Variants in TBC1D8 observed in about 807,000 individuals in gnomAD.
TBC1D8 encodes BUB2-like protein 1.
Under a neutral mutation model 118.8 loss-of-function variants are expected in TBC1D8, and 65 were observed. That is an observed-to-expected ratio of 0.55 (90% confidence interval 0.45 to 0.67). The LOEUF (loss-of-function observed/expected upper bound fraction) is 0.67, where lower values mean the gene tolerates loss of function less well. TBC1D8 is among the 30% of genes least tolerant of loss of function. The probability of loss-of-function intolerance (pLI) is 0.00; values close to 1 mark genes in which losing one functional copy is unlikely to be tolerated. For missense variants in TBC1D8, 1,376 were observed against 1,471.2 expected, an observed-to-expected ratio of 0.94 and a Z score of 1.06; for synonymous variants, 566 against 595.8, an observed-to-expected ratio of 0.95 and a Z score of 0.73.
chr2:101,067,994 T>A (rs944273576), intron 2 of TBC1D8, among the ~76,000 whole-genome samples: 1 of 152,228 alleles, frequency 6.6e-6, no homozygotes, highest in African/African-American at 2.4e-5. Flanking sequence ...AAGAAGCCAC[T>A]TTCTTTGCTC....
chr2:101,151,014 G>A (rs1376501342), intron 1 of TBC1D8, 113 bp downstream of exon 1: 2 of 770,548 alleles, frequency 2.6e-6, no homozygotes, highest in African/African-American at 1.9e-5. Flanking sequence ...TCCGGGCCCC[G>A]CGTCTCCCAA....
At chr2:101,105,655 T>C (rs2105473985) in intron 1 of TBC1D8, among the ~76,000 whole-genome samples, 2 of 150,582 alleles carry the variant, frequency 1.3e-5, no homozygotes, top group Middle Eastern at 7.0e-3. Context: ...ACTAGGAAAT[T>C]GTAAATTAAA....
At chr2:101,019,817 C>T (rs1337475295) in intron 17 of TBC1D8, 3 of 152,074 alleles carry the variant, frequency 2.0e-5, no homozygotes, top group African/African-American at 7.2e-5. Flanking sequence ...GCCTGTAATC[C>T]CAGCACTTTG....
chr2:101,109,996 C>A, intron 1 of TBC1D8: 1 of 985,414 alleles, frequency 1.0e-6, no homozygotes, highest in Non-Finnish European at 1.2e-6. Context: ...GCTTGTCTGG[C>A]GCTACAGGAA....
intron 1 of TBC1D8, among the ~76,000 whole-genome samples, chr2:101,118,980 A>G (rs1677979156): frequency 6.6e-6 from 1 of 152,198 alleles, no homozygotes; most frequent in South Asian, 2.1e-4. Flanking sequence ...ACTACACTCC[A>G]GCCTGGATGA....
Position 101,029,776 on chromosome 2 carries a change from C to G in TBC1D8, c.1937G>C (p.Gly646Ala). 6.2e-7 allele frequency: 1 copy of G among 1,611,760 alleles called. No homozygotes were observed. The change falls in exon 12 of 20, where the codon GGG (glycine) becomes GCG (alanine). Residue 646 changes from glycine (G) to alanine (A), a missense_variant and splice_region_variant. By Grantham distance (60) the Gly-to-Ala change is moderately conservative. Coordinates refer to ENST00000409318, the MANE Select transcript of TBC1D8 (RefSeq NM_001330348.2). ...LPDYFNHRVI[G>A]AQVDQSVFEE... ...GAAGACAGACTGGTCAACTTGTGCCCCTGGAAAAGAAAGGGCACAGGGCTC... is the reference window on the plus strand; with the variant it reads ...GAAGACAGACTGGTCAACTTGTGCCGCTGGAAAAGAAAGGGCACAGGGCTC...
chr2:101,019,183 G>A (rs1385022985), intron 17 of TBC1D8: 15 of 1,124,780 alleles, frequency 1.3e-5, no homozygotes, highest in South Asian at 9.6e-5. Flanking sequence ...TGTTCTACAC[G>A]GCCGGGGTTT....
intron 1 of TBC1D8, among the ~76,000 whole-genome samples, chr2:101,134,191 TCTCTCTCACACACA>T (rs1427750032): frequency 0.011 from 1,096 of 96,126 alleles, 12 homozygotes; most frequent in African/African-American, 0.044. Context: ...TCTCTCTCTC[TCTCTCTCACACACA>T]CACACACACA....
intron 1 of TBC1D8, among the ~76,000 whole-genome samples, chr2:101,093,370 C>T (rs990183093): frequency 6.6e-6 from 1 of 152,168 alleles, no homozygotes; most frequent in Non-Finnish European, 1.5e-5. Flanking sequence ...CTTACATACA[C>T]ACACACATAT....
intron 1 of TBC1D8, among the ~76,000 whole-genome samples, chr2:101,113,588 TAC>T (rs1209870765): frequency 5.3e-5 from 8 of 152,298 alleles, no homozygotes; most frequent in African/African-American, 1.9e-4. Flanking sequence ...ATGCTACTGT[TAC>T]AGACACAATT....
At chr2:101,072,157 C>T (rs1674493530) in intron 2 of TBC1D8, among the ~76,000 whole-genome samples, 1 of 152,166 alleles carries the variant, frequency 6.6e-6, no homozygotes, top group South Asian at 2.1e-4. Flanking sequence ...GTCTCAACAA[C>T]AGGTATGTTA....
At chr2:101,132,331 C>T (rs1469107564) in intron 1 of TBC1D8, among the ~76,000 whole-genome samples, 1 of 152,174 alleles carries the variant, frequency 6.6e-6, no homozygotes, top group African/African-American at 2.4e-5. Context: ...AAAGAGCAGT[C>T]ATCAACTCCA....
At chr2:101,032,175 A>C in intron 11 of TBC1D8, 93 bp downstream of exon 11, 7 of 1,205,038 alleles carry the variant, frequency 5.8e-6, no homozygotes, top group South Asian at 1.4e-5. Flanking sequence ...AGTGGCACTG[A>C]GAGATTTTAT....
rs1244971514 is a variant in TBC1D8, at chr2:101,054,120, GGAA to G, written c.616_618del (p.Phe206del). The G allele has an allele frequency of 1.2e-6, 2 of 1,611,678 alleles. No homozygotes were observed. Among genetic ancestry groups the G allele is most frequent in the African/African-American group, 1.3e-5 (1 of 74,896 alleles). Reference sequence around the variant, plus strand: ...AGGCCTCACTTACGTTCCTTGCCCAGGAAGAAGGAGTAGAAGCAGAGGTGGTTG... The same window carrying G: ...AGGCCTCACTTACGTTCCTTGCCCAGGAAGGAGTAGAAGCAGAGGTGGTTG... On this transcript the variant is annotated inframe_deletion, in exon 4 of 20. Transcript: ENST00000409318.
rs114659057 is a variant in TBC1D8, at chr2:101,114,750, G to A, written c.128-24386C>T. 6.9e-3 allele frequency among the ~76,000 whole-genome samples: 1,049 copies of A among 152,310 alleles called. 5 individuals are homozygous for A. Among genetic ancestry groups the A allele is most frequent in the Middle Eastern group, 0.01 (3 of 294 alleles). On this transcript the variant is annotated intron_variant, in intron 1 of 19. Coordinates refer to ENST00000409318, the MANE Select transcript of TBC1D8 (RefSeq NM_001330348.2). ...GCACACAGTGCAGACATTTCAGCAG[G>A]TACTAAAAGTGTACTCTCAGACACT...
chr2:101,071,702 T>A (rs1441989654), intron 2 of TBC1D8, among the ~76,000 whole-genome samples: 1 of 152,198 alleles, frequency 6.6e-6, no homozygotes, highest in Non-Finnish European at 1.5e-5. Flanking sequence ...GTACTCTCAT[T>A]TTAAAAGTTT....
rs1558692256 is a variant in TBC1D8 at position 101,090,512 on chromosome 2, C to G, written c.128-148G>C. On this transcript the variant is annotated intron_variant, in intron 1 of 19. Coordinates refer to ENST00000409318, the MANE Select transcript of TBC1D8 (RefSeq NM_001330348.2). ...AGTTCTTCAACTCACCTCACAAAGC[C>G]TGAGCTCCATGGAGCCAAGGGCTCT... The G allele has an allele frequency of 3.5e-6, 3 of 862,826 alleles. No homozygotes were observed. The East Asian group carries it at 8.0e-5, about 23-fold the overall frequency. 53.4% of individuals were successfully genotyped at this position (862,826 alleles called of 1,614,324 possible).
At position 101,029,639 on chromosome 2, in the gene TBC1D8, G is replaced by A. The variant is rs764689203; in HGVS notation, c.2074C>T (p.Pro692Ser). Residue 692 changes from proline (P) to serine (S), a missense_variant, in exon 12 of 20, where the codon CCT becomes TCT. Pro to Ser is a moderately conservative substitution (Grantham distance 74). Transcript: ENST00000409318. ...ACCACATTCACCGCACTCTCTAGAGGCATGATGCTGAGGAACAGGGTCAGG... is the reference window on the plus strand; with the variant it reads ...ACCACATTCACCGCACTCTCTAGAGACATGATGCTGAGGAACAGGGTCAGG... ...WFLTLFLSIM[P>S]LESAVNVVDC... The A allele has an allele frequency of 1.9e-6, 3 of 1,613,884 alleles. No homozygotes were observed. The highest frequency in any genetic ancestry group is 2.5e-6 in the Non-Finnish European group (3 of 1,179,904).
chr2:101,051,094 T>C (rs1335294888), intron 4 of TBC1D8, among the ~76,000 whole-genome samples: 1 of 152,232 alleles, frequency 6.6e-6, no homozygotes, highest in Non-Finnish European at 1.5e-5. Context: ...GAGCTCATTC[T>C]TTTTTATGGC....
Sources: allele counts gnomAD v4.1 joint callset (sites outside exome capture counted in the v4.1 genomes callset), GRCh38; gene constraint gnomAD v4.1.1; transcripts MANE v1.5; gene names NCBI Gene and HGNC (gene_info 2026-07-23, HGNC 2026-07-21).